The following TCF7L2 variants were observed in gnomAD, a reference collection of about 807,000 sequenced individuals.
TCF7L2 encodes transcription factor 7 like 2.
Under a neutral mutation model 77.9 loss-of-function variants are expected in TCF7L2, and 23 were observed. The ratio of observed to expected loss-of-function variants is 0.30; its 90% confidence interval spans 0.21 to 0.42. The LOEUF (loss-of-function observed/expected upper bound fraction) is 0.42, where lower values mean the gene tolerates loss of function less well. Among genes scored for constraint, TCF7L2 ranks in the 10% least tolerant of loss-of-function variants. TCF7L2 has a pLI of 1.00. For missense variants in TCF7L2, 654 were observed against 793.1 expected (o/e 0.82, Z 2.11); for synonymous variants, 413 against 340.2 (o/e 1.21, Z -2.36).
At position 113,089,527 on chromosome 10, in the gene TCF7L2, C is replaced by T. The variant is rs1030216126; in HGVS notation, c.552+49401C>T. ...CACTCCTTACAAAAAGTTGGGGAGCCCTGGTGTATTGAGGTAGGTCTCGGA... is the reference window on the plus strand; with the variant it reads ...CACTCCTTACAAAAAGTTGGGGAGCTCTGGTGTATTGAGGTAGGTCTCGGA... On this transcript the variant is annotated intron_variant, in intron 5 of 13. Coordinates refer to ENST00000627217, the MANE Select transcript of TCF7L2 (RefSeq NM_001146274.2). 6 of 1,613,598 alleles carry T rather than the reference C, an allele frequency of 3.7e-6. No individual in the cohort carries two copies. The highest frequency in any genetic ancestry group is 1.6e-4 in the Middle Eastern group (1 of 6,080).
rs146531690 is a variant in TCF7L2 at position 113,090,379 on chromosome 10, G to A, written c.552+50253G>A. ...AACATTTATTGTATACCTATTGGGT[G>A]CTGTGCTATGTGTTACAGCCACAGG... On this transcript the variant is annotated intron_variant, in intron 5 of 13. Coordinates refer to ENST00000627217, the MANE Select transcript of TCF7L2 (RefSeq NM_001146274.2). Among the ~76,000 whole-genome samples the A allele has an allele frequency of 9.3e-4, 141 of 152,320 alleles. 1 individual carries two copies. Among genetic ancestry groups the A allele is most frequent in the African/African-American group, 3.1e-3 (128 of 41,580 alleles).
At chr10:112,998,809 A>G (rs1205356502) in intron 4 of TCF7L2, among the ~76,000 whole-genome samples, 1 of 152,216 alleles carries the variant, frequency 6.6e-6, no homozygotes, top group Non-Finnish European at 1.5e-5. Flanking sequence ...ACTGGCAACA[A>G]TACATAGTGA....
intron 4 of TCF7L2, among the ~76,000 whole-genome samples, chr10:112,967,447 T>C (rs1267352873): frequency 6.6e-6 from 1 of 152,124 alleles, no homozygotes; most frequent in Non-Finnish European, 1.5e-5. Flanking sequence ...ATGAATGGCC[T>C]TGGGTGATTC....
chr10:113,145,469 C>T (rs2069192443), intron 7 of TCF7L2, among the ~76,000 whole-genome samples: 1 of 151,730 alleles, frequency 6.6e-6, no homozygotes, highest in Non-Finnish European at 1.5e-5. Context: ...ATTGGTTACC[C>T]ACAATTCTTC....
At chr10:112,961,330 G>C (rs2035165594) in intron 3 of TCF7L2, among the ~76,000 whole-genome samples, 1 of 148,854 alleles carries the variant, frequency 6.7e-6, no homozygotes, top group East Asian at 2.0e-4. Context: ...CCAGAACCTG[G>C]TTTTTAAACT....
chr10:113,148,435 A>ATG (rs2069983187), intron 8 of TCF7L2, among the ~76,000 whole-genome samples: 1 of 152,224 alleles, frequency 6.6e-6, no homozygotes, highest in Non-Finnish European at 1.5e-5. Context: ...TGAGAGAATA[A>ATG]TGACAAACCT....
At chr10:113,144,112 G>GTGTGTGTGTGTGTGTGTA in intron 7 of TCF7L2, 87 bp downstream of exon 7, 1 of 646,916 alleles carries the variant, frequency 1.5e-6, no homozygotes, top group South Asian at 3.0e-5. Flanking sequence ...GTGTGTGTGT[G>GTGTGTGTGTGTGTGTGTA]TGTGTGTGTG....
In TCF7L2 at chr10:113,167,477, A is replaced by C. The variant is rs1163052917; in HGVS notation, c.*1505A>C. 4.5e-6 allele frequency: 1 copy of C among 222,188 alleles called. No individual in the cohort carries two copies. The highest frequency in any genetic ancestry group is 9.0e-6 in the Non-Finnish European group (1 of 111,130). 13.8% of individuals were successfully genotyped at this position (222,188 alleles called of 1,614,324 possible). A position where few individuals can be genotyped will look rare whatever the true frequency, so the allele number is the denominator to read the frequency against. On this transcript the variant is annotated 3_prime_UTR_variant, in exon 14 of 14. Coordinates refer to ENST00000627217, the MANE Select transcript of TCF7L2 (RefSeq NM_001146274.2). ...TCTCCGATTTTTCTCTGGTTTATTA[A>C]AATGCTAACTATAACATTTTTTGTG... is the stretch of plus-strand genomic sequence containing the variant.
chr10:113,079,335 G>A (rs887950646), intron 5 of TCF7L2, among the ~76,000 whole-genome samples: 5 of 152,190 alleles, frequency 3.3e-5, no homozygotes, highest in Admixed American at 6.6e-5. Context: ...CTGCATCTGC[G>A]TTGATGTGGC....
At chr10:112,983,300 TC>T (rs774585252) in intron 4 of TCF7L2, among the ~76,000 whole-genome samples, 47 of 151,820 alleles carry the variant, frequency 3.1e-4, no homozygotes, top group Middle Eastern at 3.4e-3. Flanking sequence ...TGAAACCCCG[TC>T]TCTACTAAAA....
At chr10:113,150,216 C>T (rs1366415613) in intron 8 of TCF7L2, among the ~76,000 whole-genome samples, 1 of 151,788 alleles carries the variant, frequency 6.6e-6, no homozygotes, top group East Asian at 1.9e-4. Context: ...GATGCCTAGA[C>T]AACATATGAA....
chr10:112,953,170 G>A (rs1434621644), intron 3 of TCF7L2, among the ~76,000 whole-genome samples: 1 of 152,112 alleles, frequency 6.6e-6, no homozygotes, highest in Non-Finnish European at 1.5e-5. Context: ...GGTTTGACTT[G>A]CTTTTTTGGG....
chr10:113,133,925 C>T (rs1205977501), intron 5 of TCF7L2, among the ~76,000 whole-genome samples: 5 of 152,184 alleles, frequency 3.3e-5, no homozygotes, highest in Non-Finnish European at 5.9e-5. Context: ...AGCAGCCCGG[C>T]CAGAGGATGC....
intron 4 of TCF7L2, among the ~76,000 whole-genome samples, chr10:113,020,679 A>T (rs1404196752): frequency 1.3e-5 from 2 of 152,166 alleles, no homozygotes; most frequent in African/African-American, 4.8e-5. Flanking sequence ...GACCTCATTT[A>T]GTTCTCACCA....
chr10:113,097,434 C>T (rs1337433889), intron 5 of TCF7L2, among the ~76,000 whole-genome samples: 2 of 152,026 alleles, frequency 1.3e-5, no homozygotes, highest in Non-Finnish European at 2.9e-5. Flanking sequence ...GGGTGAATCA[C>T]CTGAGGTCAG....
At chr10:113,129,632 C>G (rs1240449136) in intron 5 of TCF7L2, 1 of 1,173,332 alleles carries the variant, frequency 8.5e-7, no homozygotes, top group Non-Finnish European at 1.1e-6. Context: ...GCAATATGAG[C>G]GACAACTTTG....
At position 113,144,088 on chromosome 10, in the gene TCF7L2, C is replaced by CTGTGTGTGTGTGTG. The variant is rs746047660; in HGVS notation, c.788+74_788+75insGTGTGTGTGTGTGT. On this transcript the variant is annotated intron_variant, in intron 7 of 13. Coordinates refer to ENST00000627217, the MANE Select transcript of TCF7L2 (RefSeq NM_001146274.2). ...TACATGGGCATGTTTATTATTTATT[C>CTGTGTGTGTGTGTG]TGTGTGTGTGTCTGTGTGTGTGTGT... 1.1e-4 allele frequency: 137 copies of CTGTGTGTGTGTGTG among 1,261,988 alleles called. 1 individual carries two copies. The African/African-American group carries it at 2.3e-3, about 21-fold the overall frequency. 78.2% of individuals were successfully genotyped at this position (1,261,988 alleles called of 1,614,324 possible).
chr10:113,158,776 GC>G, intron 12 of TCF7L2, 59 bp downstream of exon 13: 1 of 1,549,802 alleles, frequency 6.5e-7, no homozygotes, highest in Non-Finnish European at 8.8e-7. Context: ...AATTTTTCTT[GC>G]CATTATAGTT....
At chr10:112,987,518 G>A (rs4073288) in intron 4 of TCF7L2, 47,338 of 151,246 alleles carry the variant, frequency 0.31, 8,068 homozygotes, top group Middle Eastern at 0.47. Flanking sequence ...TCTCAAGAGC[G>A]TCAACAATGT....
Sources: allele counts gnomAD v4.1 joint callset (sites outside exome capture counted in the v4.1 genomes callset), GRCh38; gene constraint gnomAD v4.1.1; transcripts MANE v1.5; gene names NCBI Gene and HGNC (gene_info 2026-07-23, HGNC 2026-07-21).